PSPC1: variants seen among roughly 807,000 people sequenced by gnomAD.
PSPC1 encodes paraspeckle component 1.
PSPC1 carries 14 observed loss-of-function variants against 51.6 expected under a neutral mutation model. The ratio of observed to expected loss-of-function variants is 0.27; its 90% CI spans 0.18 to 0.42. The LOEUF (loss-of-function observed/expected upper bound fraction) is 0.42. Among genes scored for constraint, PSPC1 ranks in the 10% least tolerant of loss-of-function variants. The pLI, the probability that PSPC1 is intolerant of heterozygous loss-of-function variation, is 1.00. For synonymous variants in PSPC1, 193 were observed against 231.9 expected (o/e 0.83, Z 1.53); for missense variants, 406 against 701.1 (o/e 0.58, Z 4.75).
chr13:19,690,422 G>C (rs1028498711), intron 6 of PSPC1, among the ~76,000 whole-genome samples: 1 of 152,296 alleles, frequency 6.6e-6, no homozygotes, highest in Admixed American at 6.5e-5. Flanking sequence ...TCTCCCATTT[G>C]TGTTGGTTCT....
At position 19,725,263 on chromosome 13, in the gene PSPC1, G is replaced by A. The variant is rs560227300; in HGVS notation, c.1158+4976C>T. On this transcript the variant is annotated intron_variant, in intron 6 of 8. Coordinates refer to ENST00000338910, the MANE Select transcript of PSPC1 (RefSeq NM_001354909.2). ...TTTCTTCCCATTAACTTTTGCTCTG[G>A]TTTATAACCATGACTACCAATGAAC... Among the ~76,000 whole-genome samples the A allele has an allele frequency of 3.3e-5, 5 of 152,276 alleles. No homozygotes were observed. The South Asian group carries it at 1.0e-3, about 32-fold the overall frequency.
chr13:19,713,692 G>A (rs1409513491), intron 6 of PSPC1, among the ~76,000 whole-genome samples: 1 of 152,002 alleles, frequency 6.6e-6, no homozygotes, highest in African/African-American at 2.4e-5. Context: ...GAATTCAAGT[G>A]TACTTAAATT....
At chr13:19,709,791 T>C (rs1387267635) in intron 6 of PSPC1, among the ~76,000 whole-genome samples, 192 bp from the exon 7 acceptor site, 1 of 151,886 alleles carries the variant, frequency 6.6e-6, no homozygotes, top group African/African-American at 2.4e-5. Context: ...ATACTACAAA[T>C]GCTTAATGCA....
rs760891624 is a variant in PSPC1 at position 19,751,299 on chromosome 13, A to G, written c.939T>C (p.His313=). Residue 313 remains histidine (H), a synonymous_variant, in exon 4 of 9, where the codon CAT becomes CAC. Transcript: ENST00000338910. ...GCCTCATTAGCATTAATTGGTGTTC[A>G]TGCCTAGCTGCTTCCATTTCTGCCT... ...KLEAEMEAAR[H]EHQLMLMRQD... 6.4e-6 allele frequency: 10 copies of G among 1,559,702 alleles called. No individual in the cohort carries two copies. In the East Asian group the frequency reaches 2.3e-4, roughly 35 times the overall value.
At chr13:19,689,807 T>C (rs1878341899) in intron 6 of PSPC1, among the ~76,000 whole-genome samples, 1 of 152,242 alleles carries the variant, frequency 6.6e-6, no homozygotes, top group Admixed American at 6.5e-5. Context: ...TGGTCTATTC[T>C]TAGAAAACAT....
chr13:19,752,563 A>AT (rs958177120), intron 3 of PSPC1, among the ~76,000 whole-genome samples: 79 of 150,562 alleles, frequency 5.2e-4, no homozygotes, highest in African/African-American at 1.8e-3. Context: ...TCCCCAGTCA[A>AT]TTTTTTTTTC....
chr13:19,764,472 G>A (rs1455961685), intron 2 of PSPC1, among the ~76,000 whole-genome samples: 1 of 151,830 alleles, frequency 6.6e-6, no homozygotes, highest in Non-Finnish European at 1.5e-5. Flanking sequence ...CATTGTGGCT[G>A]ATCTTTTCTT....
At chr13:19,671,530 T>C (rs780117872), downstream of PSPC1, among the ~76,000 whole-genome samples, 4 of 152,214 alleles carry the variant, frequency 2.6e-5, no homozygotes, top group Admixed American at 6.5e-5. Flanking sequence ...TGGAGCCATC[T>C]GAATCATGAT....
intron 6 of PSPC1, among the ~76,000 whole-genome samples, chr13:19,726,409 G>T (rs1405466715): frequency 6.6e-6 from 1 of 152,170 alleles, no homozygotes; most frequent in Admixed American, 6.5e-5. Context: ...CAAAATACTT[G>T]GAGGACTGAA....
At chr13:19,681,118 G>A (rs1877222541) in intron 6 of PSPC1, among the ~76,000 whole-genome samples, 1 of 152,122 alleles carries the variant, frequency 6.6e-6, no homozygotes, top group South Asian at 2.1e-4. Flanking sequence ...GGGAGGCTGA[G>A]ATGGGAGAAT....
At chr13:19,778,413 G>T (rs1292169556) in intron 1 of PSPC1, among the ~76,000 whole-genome samples, 2 of 50,798 alleles carry the variant, frequency 3.9e-5, no homozygotes, top group African/African-American at 1.7e-4. Context: ...CTCTCCCCAC[G>T]GTCTCCCTCT....
intron 1 of PSPC1, among the ~76,000 whole-genome samples, chr13:19,773,067 A>G (rs1217009008): frequency 6.6e-6 from 1 of 151,952 alleles, no homozygotes; most frequent in African/African-American, 2.4e-5. Context: ...AGGCTTAGGC[A>G]AGAGATCTCT....
intron 2 of PSPC1, among the ~76,000 whole-genome samples, chr13:19,771,653 G>C (rs1888641314): frequency 6.7e-6 from 1 of 149,962 alleles, no homozygotes. Flanking sequence ...TTGAGACAGA[G>C]TCTGTCACCC....
chr13:19,733,996 T>C (rs1884462029), intron 5 of PSPC1, among the ~76,000 whole-genome samples: 1 of 151,984 alleles, frequency 6.6e-6, no homozygotes, highest in Non-Finnish European at 1.5e-5. Flanking sequence ...GAAGAGGGTA[T>C]GAAAAAGTTT....
chr13:19,693,219 A>G (rs759792179), intron 6 of PSPC1, among the ~76,000 whole-genome samples: 88 of 151,974 alleles, frequency 5.8e-4, no homozygotes, highest in Admixed American at 3.9e-4. Context: ...TCAAGTATCT[A>G]CTCACCTTCA....
rs1397573224 is a variant in PSPC1 at position 19,719,754 on chromosome 13, C to G, written c.1159-10155G>C. Among the ~76,000 whole-genome samples, 5 of 152,160 alleles carry G rather than the reference C, an allele frequency of 3.3e-5. No individual in the cohort carries two copies. In the South Asian group the frequency reaches 1.0e-3, roughly 32 times the overall value. On this transcript the variant is annotated intron_variant, in intron 6 of 8. Coordinates refer to ENST00000338910, the MANE Select transcript of PSPC1 (RefSeq NM_001354909.2). ...TTAATACATAGGGTGGCTTTCTAACCGAAGATCAATTAAATGTAAACACAA... is the reference window on the plus strand; with the variant it reads ...TTAATACATAGGGTGGCTTTCTAACGGAAGATCAATTAAATGTAAACACAA...
At chr13:19,757,341 C>T (rs898797799) in intron 3 of PSPC1, among the ~76,000 whole-genome samples, 6 of 152,104 alleles carry the variant, frequency 3.9e-5, no homozygotes, top group Non-Finnish European at 7.4e-5. Flanking sequence ...AAAGACACCA[C>T]CCCTAGCCAT....
At chr13:19,691,640 G>A (rs1045196337) in intron 6 of PSPC1, among the ~76,000 whole-genome samples, 3 of 152,028 alleles carry the variant, frequency 2.0e-5, no homozygotes, top group East Asian at 1.9e-4. Context: ...TACAAAGGCC[G>A]GGCGTGGTGA....
chr13:19,746,050 G>C (rs1885946175), intron 4 of PSPC1, among the ~76,000 whole-genome samples: 1 of 147,102 alleles, frequency 6.8e-6, no homozygotes, highest in Non-Finnish European at 1.5e-5. Flanking sequence ...TCTGTCGCCA[G>C]GCTGGAGTGC....
Sources: gnomAD v4.1 joint callset for allele counts (sites outside exome capture counted in the v4.1 genomes callset) on GRCh38, gnomAD v4.1.1 for gene constraint, MANE v1.5 for transcripts, NCBI Gene and HGNC (gene_info 2026-07-23, HGNC 2026-07-21) for gene names.